CTCF: variants seen among roughly 807,000 people sequenced by gnomAD.
The protein encoded by CTCF is transcriptional repressor CTCF.
A neutral mutation model predicts 72.3 loss-of-function variants in CTCF; 7 were observed. The observed-to-expected ratio is 0.10, with a 90% CI of 0.06 to 0.18. CTCF has a LOEUF of 0.18. Ranked by LOEUF, CTCF falls within the 10% of genes least tolerant of loss-of-function variation. CTCF has a pLI of 1.00. For synonymous variants in CTCF, 374 were observed against 315.8 expected (o/e 1.18, Z -1.95); for missense variants, 516 against 949.1 (o/e 0.54, Z 6.00).
chr16:67,598,352 T>C (rs2051842064), intron 2 of CTCF, among the ~76,000 whole-genome samples: 1 of 152,240 alleles, frequency 6.6e-6, no homozygotes, highest in Admixed American at 6.5e-5. Flanking sequence ...TGTATCTTTT[T>C]ATGTTTATGT....
intron 2 of CTCF, among the ~76,000 whole-genome samples, chr16:67,604,749 TTTGTTTTTTTTTTTTAC>T (rs2051949398): frequency 8.2e-6 from 1 of 121,914 alleles, no homozygotes; most frequent in African/African-American, 4.1e-5. Flanking sequence ...TTTTTTGTTT[TTTGTTTTTTTTTTTTAC>T]TTTTTAATAT....
At chr16:67,634,869 AT>A (rs1176187653) in intron 10 of CTCF, among the ~76,000 whole-genome samples, 1 of 150,978 alleles carries the variant, frequency 6.6e-6, no homozygotes, top group Non-Finnish European at 1.5e-5. Context: ...CACCTAGCTA[AT>A]TTTTGTATTT....
At chr16:67,625,677 C>T (rs538361695) in intron 7 of CTCF, among the ~76,000 whole-genome samples, 1 of 152,174 alleles carries the variant, frequency 6.6e-6, no homozygotes, top group African/African-American at 2.4e-5. Flanking sequence ...ATTCCTACTC[C>T]AGATCTTTCT....
At chr16:67,612,477 C>A (rs1353855765) in intron 4 of CTCF, 1 of 167,162 alleles carries the variant, frequency 6.0e-6, no homozygotes, top group Non-Finnish European at 1.3e-5. Flanking sequence ...GTAGTCCCAG[C>A]TACTCGGGAG....
At chr16:67,600,901 T>C (rs1033828890) in intron 2 of CTCF, among the ~76,000 whole-genome samples, 5 of 152,162 alleles carry the variant, frequency 3.3e-5, no homozygotes, top group Non-Finnish European at 5.9e-5. Flanking sequence ...GGTGGCGATA[T>C]TGGTCCACAA....
Position 67,609,873 on chromosome 16 carries a change from G to A in CTCF, c.-9-951G>A, listed in dbSNP as rs544238828. Among the ~76,000 whole-genome samples, 273 of 152,126 alleles carry A rather than the reference G, an allele frequency of 1.8e-3. 2 individuals carry two copies. The highest frequency in any genetic ancestry group is 3.0e-3 in the Non-Finnish European group (202 of 67,978). ...TCTCCTGACCTCCGGTAATCTGCCC[G>A]CCTCAGCCTCCCAAAGTGCTGGGAT... On this transcript the variant is annotated intron_variant, in intron 2 of 11. Transcript: ENST00000264010.
rs772554947 is a variant in CTCF, at chr16:67,637,720, A to G, written c.2032A>G (p.Thr678Ala). The G allele has an allele frequency of 6.2e-7, 1 of 1,613,986 alleles. No homozygotes were observed. The highest frequency in any genetic ancestry group is 1.1e-5 in the South Asian group (1 of 91,076). ...TATCATTCAGGTTGAAGACCAGAAT[A>G]CAGGTGCAATTGAGAACATTATAGT... is the stretch of plus-strand genomic sequence containing the variant. ...TAIIQVEDQNTGAIENIIVEV... is the reference protein window; with the variant it reads ...TAIIQVEDQNAGAIENIIVEV... The change falls in exon 12 of 12, where the codon ACA (threonine) becomes GCA (alanine). Residue 678 changes from threonine (T) to alanine (A), a missense_variant. Transcript: ENST00000264010.
rs1161933070 is a variant in CTCF at position 67,577,290 on chromosome 16, G to T, written c.-10+6026G>T. 3.3e-5 allele frequency among the ~76,000 whole-genome samples: 5 copies of T among 149,470 alleles called. No homozygotes were observed. In the East Asian group the frequency reaches 1.0e-3, roughly 30 times the overall value. On this transcript the variant is annotated intron_variant, in intron 2 of 11. Coordinates refer to ENST00000264010, the MANE Select transcript of CTCF (RefSeq NM_006565.4). ...AAATTAGCCAGGCATGGTGGCGGGC[G>T]CCTGTAGTCCCAGCTACTTGAGGAG...
chr16:67,632,191 A>G (rs984548384), intron 10 of CTCF, among the ~76,000 whole-genome samples: 8 of 151,988 alleles, frequency 5.3e-5, no homozygotes, highest in Non-Finnish European at 1.0e-4. Flanking sequence ...GGGGATCCCT[A>G]TAGTTGTTCT....
At chr16:67,616,112 C>T (rs2052128530) in intron 4 of CTCF, 1 of 152,232 alleles carries the variant, frequency 6.6e-6, no homozygotes, top group Non-Finnish European at 1.5e-5. Context: ...AATTGACATT[C>T]AGAATGATCA....
chr16:67,578,993 G>A (rs1033161658), intron 2 of CTCF, among the ~76,000 whole-genome samples: 5 of 150,798 alleles, frequency 3.3e-5, no homozygotes, highest in African/African-American at 9.8e-5. Flanking sequence ...GGTGGCTCAC[G>A]CCTGTAATCC....
rs1232304269 is a variant in CTCF, at chr16:67,611,955, AAAG to A, written c.791_793del (p.Lys264del). Reference sequence around the variant, plus strand: ...AGTGTTTTATTTTGCACATAGGTGTAAAGAAGACATTCCAGTGTGAGCTTTGCA... The same window carrying A: ...AGTGTTTTATTTTGCACATAGGTGTAAAGACATTCCAGTGTGAGCTTTGCA... On this transcript the variant is annotated inframe_deletion, in exon 4 of 12. Coordinates refer to ENST00000264010, the MANE Select transcript of CTCF (RefSeq NM_006565.4). 2 of 1,613,996 alleles carry A rather than the reference AAAG, an allele frequency of 1.2e-6. No individual in the cohort carries two copies. The highest frequency in any genetic ancestry group is 1.7e-6 in the Non-Finnish European group (2 of 1,179,842).
rs187258944 is a variant in CTCF, at chr16:67,638,629, G to T, written c.*757G>T. The stretch of plus-strand genomic sequence containing the variant: ...GCCCACCAGTGACGGACATGCACGT[G>T]GCAGATCATGATTTCCAGCCCACGG... On this transcript the variant is annotated 3_prime_UTR_variant, in exon 12 of 12. Transcript: ENST00000264010. 8.2e-4 allele frequency: 191 copies of T among 231,998 alleles called. 1 individual carries two copies. Among genetic ancestry groups the T allele is most frequent in the Middle Eastern group, 3.9e-3 (3 of 770 alleles). 14.4% of individuals were successfully genotyped at this position (231,998 alleles called of 1,614,324 possible).
chr16:67,628,352 C>T lies in CTCF; in HGVS notation c.1519-18C>T, dbSNP rs999549321. ...CCCATGAGCAGGCTCTGAGGCCTTTCCCCCTATGCCGTTTCAGGAGAGGCA... is the reference window on the plus strand; with the variant it reads ...CCCATGAGCAGGCTCTGAGGCCTTTTCCCCTATGCCGTTTCAGGAGAGGCA... On this transcript the variant is annotated intron_variant, in intron 8 of 11. Coordinates refer to ENST00000264010, the MANE Select transcript of CTCF (RefSeq NM_006565.4). 5.6e-6 allele frequency: 9 copies of T among 1,608,162 alleles called. No individual in the cohort carries two copies. Among genetic ancestry groups the T allele is most frequent in the Middle Eastern group, 1.6e-4 (1 of 6,066 alleles).
intron 1 of CTCF, among the ~76,000 whole-genome samples, chr16:67,565,746 T>A (rs2051334760): frequency 6.6e-6 from 1 of 151,700 alleles, no homozygotes; most frequent in Non-Finnish European, 1.5e-5. Flanking sequence ...TATGTAAGAA[T>A]TTAAGAGGTG....
Position 67,611,019 on chromosome 16 carries a change from A to T in CTCF, c.187A>T (p.Met63Leu). 2 of 1,614,096 alleles carry T rather than the reference A, an allele frequency of 1.2e-6. No individual in the cohort carries two copies. The highest frequency in any genetic ancestry group is 1.7e-6 in the Non-Finnish European group (2 of 1,179,958). The change falls in exon 3 of 12, where the codon ATG becomes TTG. Residue 63 changes from methionine (M) to leucine (L), a missense_variant. By Grantham distance (15) the Met-to-Leu change is conservative. Around this residue, in one of 7 missense-constraint regions of CTCF, gnomAD observed 148 missense variants for 194.9 expected, o/e 0.76. Coordinates refer to ENST00000264010, the MANE Select transcript of CTCF (RefSeq NM_006565.4). The stretch of plus-strand genomic sequence containing the variant: ...CAACAGCAGTGTACAGATGGTGATG[A>T]TGGAACAGCTGGACCCCACCCTTCT... ...DVNSSVQMVM[M>L]EQLDPTLLQM...
intron 7 of CTCF, among the ~76,000 whole-genome samples, chr16:67,624,111 G>GTA (rs1555535502): frequency 6.0e-5 from 8 of 133,988 alleles, no homozygotes; most frequent in Non-Finnish European, 1.1e-4. Flanking sequence ...GTGTGTGTGT[G>GTA]TGTGTATGTG....
At chr16:67,637,110 A>G (rs2052441429) in intron 11 of CTCF, among the ~76,000 whole-genome samples, 1 of 152,198 alleles carries the variant, frequency 6.6e-6, no homozygotes, top group African/African-American at 2.4e-5. Context: ...GGTACTGTTA[A>G]TGTGGGCGGG....
intron 2 of CTCF, among the ~76,000 whole-genome samples, chr16:67,607,905 A>G (rs1487167085): frequency 2.0e-5 from 3 of 150,154 alleles, no homozygotes; most frequent in Admixed American, 1.3e-4. Context: ...TGTAATCCCA[A>G]CTACTCCGGA....
Sources: gnomAD v4.1 joint callset for allele counts (sites outside exome capture counted in the v4.1 genomes callset) on GRCh38, gnomAD v4.1.1 for gene constraint, gnomAD v4.1.1 regional missense constraint, MANE v1.5 for transcripts, NCBI Gene and HGNC (gene_info 2026-07-23, HGNC 2026-07-21) for gene names.